Variants in ERBB4 observed in about 807,000 individuals in gnomAD.
ERBB4 encodes erb-b2 receptor tyrosine kinase 4.
A neutral mutation model predicts 158.0 loss-of-function variants in ERBB4; 42 were observed. The ratio of observed to expected loss-of-function variants is 0.27; its 90% CI spans 0.21 to 0.34. The LOEUF (loss-of-function observed/expected upper bound fraction) is 0.34, where lower values mean the gene tolerates loss of function less well. Ranked by LOEUF, ERBB4 falls within the 10% of genes least tolerant of loss-of-function variation. The probability of loss-of-function intolerance (pLI) is 1.00; values close to 1 mark genes in which losing one functional copy is unlikely to be tolerated. For synonymous variants in ERBB4, 583 were observed against 558.7 expected (o/e 1.04, Z -0.61); for missense variants, 1,333 against 1,624.1 (o/e 0.82, Z 3.08).
intron 3 of ERBB4, among the ~76,000 whole-genome samples, chr2:211,872,011 G>A (rs187083614): frequency 2.0e-3 from 298 of 152,152 alleles, no homozygotes; most frequent in Admixed American, 2.9e-3. Context: ...GATTAAATAA[G>A]CACACATTTT....
At chr2:211,543,078 T>C (rs555488897) in intron 20 of ERBB4, among the ~76,000 whole-genome samples, 1 of 152,094 alleles carries the variant, frequency 6.6e-6, no homozygotes, top group South Asian at 2.1e-4. Flanking sequence ...CAATTTCTGT[T>C]GACAAGAAAT....
intron 2 of ERBB4, among the ~76,000 whole-genome samples, chr2:211,957,915 A>T (rs1007557656): frequency 1.3e-5 from 2 of 152,158 alleles, no homozygotes; most frequent in Admixed American, 1.3e-4. Flanking sequence ...TAACGAAAGA[A>T]AATGGGCCTC....
chr2:211,616,650 A>G (rs2069402880), intron 19 of ERBB4, among the ~76,000 whole-genome samples: 1 of 152,148 alleles, frequency 6.6e-6, no homozygotes, highest in Non-Finnish European at 1.5e-5. Context: ...CCTGCATTAG[A>G]TACTAAATTC....
chr2:211,407,041 CT>C (rs1488970932), intron 25 of ERBB4, among the ~76,000 whole-genome samples: 1 of 152,034 alleles, frequency 6.6e-6, no homozygotes, highest in Non-Finnish European at 1.5e-5. Context: ...GATCACCCCA[CT>C]GTACTCTGGC....
chr2:212,014,897 A>G (rs1361511633), intron 2 of ERBB4, among the ~76,000 whole-genome samples: 1 of 151,064 alleles, frequency 6.6e-6, no homozygotes, highest in African/African-American at 2.4e-5. Context: ...TTCCTCTTTT[A>G]AGTATTTTTC....
chr2:212,242,217 TG>T (rs763287212), intron 1 of ERBB4, among the ~76,000 whole-genome samples: 145 of 152,030 alleles, frequency 9.5e-4, no homozygotes, highest in Non-Finnish European at 1.8e-3. Flanking sequence ...ACATTCCTCT[TG>T]TTAAAGAAGA....
intron 20 of ERBB4, among the ~76,000 whole-genome samples, chr2:211,471,839 G>A (rs2064834725): frequency 6.6e-6 from 1 of 152,058 alleles, no homozygotes; most frequent in Admixed American, 6.6e-5. Flanking sequence ...AGTGGAACAG[G>A]AAGACTGAAG....
At chr2:212,340,464 T>C (rs1360132656) in intron 1 of ERBB4, among the ~76,000 whole-genome samples, 1 of 152,192 alleles carries the variant, frequency 6.6e-6, no homozygotes, top group Admixed American at 6.5e-5. Flanking sequence ...GTGGGAGCCC[T>C]GAACTTGTTT....
intron 25 of ERBB4, among the ~76,000 whole-genome samples, chr2:211,397,622 ACT>A (rs755921631): frequency 6.6e-6 from 1 of 152,112 alleles, no homozygotes; most frequent in Non-Finnish European, 1.5e-5. Flanking sequence ...CCGAGGTGAA[ACT>A]CTAAAGCAGG....
chr2:211,702,124 A>G lies in ERBB4; in HGVS notation c.1332T>C (p.Ser444=), dbSNP rs1471942685. 1 of 1,614,118 alleles carries G rather than the reference A, an allele frequency of 6.2e-7. No individual in the cohort carries two copies. Among genetic ancestry groups the G allele is most frequent in the Non-Finnish European group, 8.5e-7 (1 of 1,180,006 alleles). ...LLILKQQGIT[S]LQFQSLKEIS... ...TTTCCTTCAGGGACTGGAACTGTAGAGAGGTGATGCCCTGTTGCTTGAGGA... is the reference window on the plus strand; with the variant it reads ...TTTCCTTCAGGGACTGGAACTGTAGGGAGGTGATGCCCTGTTGCTTGAGGA... Residue 444 remains serine (S), a synonymous_variant, in exon 12 of 28, where the codon TCT becomes TCC. Coordinates refer to ENST00000342788, the MANE Select transcript of ERBB4 (RefSeq NM_005235.3).
At chr2:212,027,888 C>T (rs1327148932) in intron 2 of ERBB4, among the ~76,000 whole-genome samples, 2 of 151,950 alleles carry the variant, frequency 1.3e-5, no homozygotes, top group Non-Finnish European at 2.9e-5. Flanking sequence ...GCAAAAACTT[C>T]CATAACTGGA....
intron 20 of ERBB4, among the ~76,000 whole-genome samples, chr2:211,525,257 A>C (rs78550441): frequency 0.12 from 18,413 of 152,124 alleles, 1,912 homozygotes; most frequent in African/African-American, 0.28. Flanking sequence ...CCAGACAAAA[A>C]AGCTCATGAC....
At chr2:212,262,991 C>T (rs994717728) in intron 1 of ERBB4, among the ~76,000 whole-genome samples, 1 of 152,084 alleles carries the variant, frequency 6.6e-6, no homozygotes, top group Non-Finnish European at 1.5e-5. Flanking sequence ...GGTCAATTTG[C>T]AGATGTGATT....
At chr2:211,990,517 AAAATAAAAATAAAT>A (rs2082045210) in intron 2 of ERBB4, among the ~76,000 whole-genome samples, 1 of 136,476 alleles carries the variant, frequency 7.3e-6, no homozygotes, top group Admixed American at 7.5e-5. Flanking sequence ...AACCAAAATA[AAAATAAAAATAAAT>A]AAATAAATAA....
Position 211,583,860 on chromosome 2 carries a change from C to T in ERBB4, c.2302-21772G>A, listed in dbSNP as rs115537079. 5.5e-3 allele frequency among the ~76,000 whole-genome samples: 836 copies of T among 150,834 alleles called. 4 individuals are homozygous for T. Among genetic ancestry groups the T allele is most frequent in the Non-Finnish European group, 8.7e-3 (591 of 67,566 alleles). ...TGTTGCTGTATTCTTCAACGTTCCC[C>T]GGAAATAAGAAATAAATTATTCTTT... On this transcript the variant is annotated intron_variant, in intron 19 of 27. Transcript: ENST00000342788.
chr2:211,623,988 A>C lies in ERBB4; in HGVS notation c.2136T>G (p.Ile712Met), dbSNP rs777888859. The C allele has an allele frequency of 1.9e-6, 3 of 1,613,952 alleles. No individual in the cohort carries two copies. In the East Asian group the frequency reaches 6.7e-5, roughly 36 times the overall value. ...CCCTCTTCAGCTCAGTTTCTTTCAA[A>C]ATACGAAGTTGAGCTTGATTGGGTG... ...GTAPNQAQLR[I>M]LKETELKRVK... Residue 712 changes from isoleucine (I) to methionine (M), a missense_variant, in exon 18 of 28, where the codon ATT (isoleucine) becomes ATG (methionine). Physicochemically the swap from Ile to Met is conservative, Grantham distance 10. Around this residue, in one of 5 missense-constraint regions of ERBB4, gnomAD observed 314 missense variants for 437.6 expected, o/e 0.72. Transcript: ENST00000342788.
intron 20 of ERBB4, among the ~76,000 whole-genome samples, chr2:211,479,339 C>A (rs1289376183): frequency 6.6e-6 from 1 of 152,136 alleles, no homozygotes; most frequent in African/African-American, 2.4e-5. Flanking sequence ...TGGGTAATGC[C>A]TCCAGTCCAA....
intron 20 of ERBB4, among the ~76,000 whole-genome samples, chr2:211,459,518 G>A (rs2064473174): frequency 6.6e-6 from 1 of 152,162 alleles, no homozygotes; most frequent in Non-Finnish European, 1.5e-5. Context: ...TTGTGGGAAG[G>A]ACCTGGTGGA....
intron 2 of ERBB4, among the ~76,000 whole-genome samples, chr2:212,101,378 T>C (rs1220887168): frequency 6.7e-6 from 1 of 149,972 alleles, no homozygotes; most frequent in Non-Finnish European, 1.5e-5. Context: ...TATATGTATT[T>C]CAAACTACTT....
Sources: gnomAD v4.1 joint callset for allele counts (sites outside exome capture counted in the v4.1 genomes callset) on GRCh38, gnomAD v4.1.1 for gene constraint, gnomAD v4.1.1 regional missense constraint, MANE v1.5 for transcripts, NCBI Gene and HGNC (gene_info 2026-07-23, HGNC 2026-07-21) for gene names.